FGF13: variants seen among roughly 807,000 people sequenced by gnomAD.
FGF13 encodes the protein fibroblast growth factor homologous factor 2.
FGF13 carries 2 observed loss-of-function variants against 19.5 expected under a neutral mutation model. That is an observed-to-expected ratio of 0.10 (90% CI 0.04 to 0.32). FGF13 has a LOEUF of 0.32. Ranked by LOEUF, FGF13 falls within the 10% of genes least tolerant of loss-of-function variation. The pLI is 1.00. For synonymous variants in FGF13, 72 were observed against 76.9 expected (o/e 0.94, Z 0.33); for missense variants, 113 against 192.7 (o/e 0.59, Z 2.45).
intron 1 of FGF13, among the ~76,000 whole-genome samples, chrX:139,062,687 T>C (rs1283403256): frequency 8.9e-6 from 1 of 112,005 alleles, no homozygotes; most frequent in East Asian, 2.8e-4. Flanking sequence ...ACACTAGGTA[T>C]CTTTCCATTT....
intron 1 of FGF13, among the ~76,000 whole-genome samples, chrX:139,097,703 G>C (rs1406088414): frequency 8.9e-6 from 1 of 112,072 alleles, no homozygotes; most frequent in Non-Finnish European, 1.9e-5. Context: ...AAGAAAAGAA[G>C]AGTGTCTACT....
At chrX:138,722,237 G>C (rs1430104680) in intron 1 of FGF13, among the ~76,000 whole-genome samples, 1 of 111,479 alleles carries the variant, frequency 9.0e-6, no homozygotes, top group Non-Finnish European at 1.9e-5. Context: ...TGAACCACTG[G>C]GTGGTGACTG....
chrX:138,828,330 A>G (rs995140417), intron 3 of FGF13, among the ~76,000 whole-genome samples: 1 of 110,678 alleles, frequency 9.0e-6, no homozygotes, highest in Non-Finnish European at 1.9e-5. Flanking sequence ...GCACTTTGGG[A>G]GGCCGAGGCG....
intron 3 of FGF13, among the ~76,000 whole-genome samples, chrX:138,683,728 C>T (rs1328754135): frequency 9.0e-6 from 1 of 111,455 alleles, no homozygotes. Context: ...TGTATTTTGA[C>T]ACTATTCACA....
intron 1 of FGF13, among the ~76,000 whole-genome samples, chrX:139,013,334 A>G (rs1409596325): frequency 9.2e-6 from 1 of 108,322 alleles, no homozygotes; most frequent in Non-Finnish European, 1.9e-5. Flanking sequence ...CAGCAATCCC[A>G]CTACTAGGTA....
At chrX:138,811,346 C>CA (rs2090922899) in intron 3 of FGF13, among the ~76,000 whole-genome samples, 1 of 110,270 alleles carries the variant, frequency 9.1e-6, no homozygotes. Context: ...ATCCCAAGGA[C>CA]AAAAAACCAA....
intron 1 of FGF13, among the ~76,000 whole-genome samples, chrX:138,889,867 T>C (rs2091468133): frequency 9.0e-6 from 1 of 110,566 alleles, no homozygotes. Flanking sequence ...TAGATGTTAG[T>C]GTATATTGGA....
intron 2 of FGF13, among the ~76,000 whole-genome samples, chrX:138,860,128 A>G (rs1428189731): frequency 8.9e-6 from 1 of 112,075 alleles, no homozygotes; most frequent in Admixed American, 9.5e-5. Context: ...TTAAACCAGA[A>G]GTGGCACTGT....
chrX:138,631,683 A>G lies in FGF13; in HGVS notation c.*1167T>C, dbSNP rs755856542. 1 of 112,804 alleles carries G rather than the reference A, an allele frequency of 8.9e-6. No homozygotes were observed. Among genetic ancestry groups the G allele is most frequent in the African/African-American group, 3.2e-5 (1 of 31,025 alleles). The allele number at this position is 112,804 out of a possible 1,213,427, so 9.3% of individuals were successfully genotyped here. On this transcript the variant is annotated 3_prime_UTR_variant, in exon 5 of 5. Coordinates refer to ENST00000315930, the MANE Select transcript of FGF13 (RefSeq NM_004114.5). ...GCACAGGACAGAAAACTGCCTGTAC[A>G]TGCTATGTCCACTTTTGGAACACAG...
chrX:138,953,237 A>C (rs1160832188), intron 1 of FGF13, among the ~76,000 whole-genome samples: 1 of 111,205 alleles, frequency 9.0e-6, no homozygotes, highest in Non-Finnish European at 1.9e-5. Context: ...ACCATGGAAT[A>C]CTATGCAGCC....
At chrX:138,691,239 G>A (rs929341437) in intron 3 of FGF13, among the ~76,000 whole-genome samples, 3 of 111,424 alleles carry the variant, frequency 2.7e-5, no homozygotes, top group African/African-American at 6.5e-5. Context: ...TCATTAACAC[G>A]TTAATTACAG....
At chrX:139,026,214 T>C (rs902966365) in intron 1 of FGF13, among the ~76,000 whole-genome samples, 4 of 111,675 alleles carry the variant, frequency 3.6e-5, no homozygotes, top group Non-Finnish European at 7.5e-5. Context: ...CTCATCTTTA[T>C]GTCACATTAT....
chrX:138,835,812 G>A (rs900671216), intron 3 of FGF13, among the ~76,000 whole-genome samples: 4 of 111,639 alleles, frequency 3.6e-5, no homozygotes, highest in Non-Finnish European at 3.8e-5. Context: ...TCCACATTTA[G>A]TGCTTCTTTC....
intron 3 of FGF13, among the ~76,000 whole-genome samples, chrX:138,762,606 A>C (rs1048897444): frequency 9.0e-6 from 1 of 111,626 alleles, no homozygotes; most frequent in Non-Finnish European, 1.9e-5. Context: ...AGATCTTGGT[A>C]TTGACAGTCA....
intron 1 of FGF13, among the ~76,000 whole-genome samples, chrX:139,079,170 A>G (rs2083352822): frequency 9.0e-6 from 1 of 111,363 alleles, no homozygotes; most frequent in Non-Finnish European, 1.9e-5. Context: ...CTGGATCTAG[A>G]TGGATATAGG....
At position 138,756,553 on chromosome X, in the gene FGF13, G is replaced by A. The variant is rs552386587; in HGVS notation, c.218-47625C>T. ...GTGGCCAGGGAAGGCTAAGCAACGGGCCCAAATAAAGCAAGGACCCTTGCC... is the reference window on the plus strand; with the variant it reads ...GTGGCCAGGGAAGGCTAAGCAACGGACCCAAATAAAGCAAGGACCCTTGCC... On this transcript the variant is annotated intron_variant, in intron 3 of 6. Transcript: ENST00000436198. 2.7e-5 allele frequency among the ~76,000 whole-genome samples: 3 copies of A among 112,589 alleles called. No individual in the cohort carries two copies. In the South Asian group the frequency reaches 1.1e-3, roughly 42 times the overall value.
chrX:138,706,689 G>T (rs981344499), intron 2 of FGF13, among the ~76,000 whole-genome samples: 1 of 111,033 alleles, frequency 9.0e-6, no homozygotes, highest in Non-Finnish European at 1.9e-5. Context: ...CCAATAAAAC[G>T]GCTTGGTTTT....
intron 1 of FGF13, among the ~76,000 whole-genome samples, chrX:138,717,477 C>T (rs1405704211): frequency 1.8e-5 from 2 of 111,228 alleles, no homozygotes; most frequent in Non-Finnish European, 3.8e-5. Context: ...AAAATCTACA[C>T]GACTATTTGT....
chrX:138,780,815 C>G (rs746415159), intron 3 of FGF13, among the ~76,000 whole-genome samples: 3 of 110,897 alleles, frequency 2.7e-5, no homozygotes, highest in East Asian at 5.7e-4. Context: ...CCAAGCGGAC[C>G]GAATAGACAT....
Sources: allele counts gnomAD v4.1 joint callset (sites outside exome capture counted in the v4.1 genomes callset), GRCh38; gene constraint gnomAD v4.1.1; transcripts MANE v1.5; gene names NCBI Gene and HGNC (gene_info 2026-07-23, HGNC 2026-07-21).